Variants in TULP3 observed in about 807,000 individuals in gnomAD.
The protein encoded by TULP3 is tubby-related protein 3.
TULP3 carries 38 observed loss-of-function variants against 50.7 expected under a neutral mutation model. That is an observed-to-expected ratio of 0.75 (90% CI 0.58 to 0.98). The LOEUF (loss-of-function observed/expected upper bound fraction) is 0.98, where lower values mean the gene tolerates loss of function less well. TULP3 is among the 50% of genes least tolerant of loss of function. The probability of loss-of-function intolerance (pLI) is 0.00; values close to 1 mark genes in which losing one functional copy is unlikely to be tolerated. For synonymous variants in TULP3, 183 were observed against 196.6 expected, an observed-to-expected ratio of 0.93 and a Z score of 0.58; for missense variants, 550 against 568.0, an observed-to-expected ratio of 0.97 and a Z score of 0.32.
At position 2,940,904 on chromosome 12, in the gene TULP3, A is replaced by G. The variant is rs1437216819; in HGVS notation, c.*1460A>G. The stretch of plus-strand genomic sequence containing the variant: ...CACCACCACCCCCCACCCCATCCTG[A>G]GGCACTGCCTGGCAGATAACCCTGG... On this transcript the variant is annotated 3_prime_UTR_variant, in exon 11 of 11. Transcript: ENST00000448120. 3.3e-6 allele frequency: 2 copies of G among 606,104 alleles called. No individual in the cohort carries two copies. Among genetic ancestry groups the G allele is most frequent in the African/African-American group, 1.9e-5 (1 of 53,580 alleles). The allele number at this position is 606,104 out of a possible 1,614,324, so 37.5% of individuals were successfully genotyped here.
intron 3 of TULP3, 131 bp from the exon 4 acceptor site, chr12:2,922,131 A>G (rs2098192132): frequency 9.0e-7 from 1 of 1,115,536 alleles, no homozygotes; most frequent in Non-Finnish European, 1.3e-6. Flanking sequence ...AAATGTTCTT[A>G]TGGATGTTAA....
Position 2,940,230 on chromosome 12 carries a change from T to A in TULP3, c.*786T>A, listed in dbSNP as rs1195417101. The A allele has an allele frequency of 3.0e-6, 4 of 1,351,184 alleles. No individual in the cohort carries two copies. In the South Asian group the frequency reaches 4.9e-5, roughly 17 times the overall value. The allele number at this position is 1,351,184 out of a possible 1,614,324, so 83.7% of individuals were successfully genotyped here. A position where few individuals can be genotyped will look rare whatever the true frequency, so the allele number is the denominator to read the frequency against. On this transcript the variant is annotated 3_prime_UTR_variant, in exon 11 of 11. Coordinates refer to ENST00000448120, the MANE Select transcript of TULP3 (RefSeq NM_003324.5). ...CACAGCTATATGACTACGGATCCAT[T>A]AGTGAGGAGCGACACACACACCTGT...
At chr12:2,920,999 G>C (rs1270335099) in intron 3 of TULP3, 77 bp downstream of exon 3, 4 of 1,534,656 alleles carry the variant, frequency 2.6e-6, no homozygotes, top group African/African-American at 1.4e-5. Flanking sequence ...TTGTCAGACG[G>C]ACCAAAGGGA....
Position 2,931,238 on chromosome 12 carries a change from A to G in TULP3, c.694A>G (p.Lys232Glu), listed in dbSNP as rs764898707. The change falls in exon 6 of 11, where the codon AAG becomes GAG. Residue 232 changes from lysine (K) to glutamate (E), a missense_variant and splice_region_variant. By Grantham distance (56) the Lys-to-Glu change is moderately conservative. Coordinates refer to ENST00000448120, the MANE Select transcript of TULP3 (RefSeq NM_003324.5). ...GTACTTGGAAAAAGAAGAAAATCAG[A>G]AGGTATGAGAATTGATTTCTAAGAA... is the stretch of plus-strand genomic sequence containing the variant. The part of the protein sequence containing the change: ...YMYLEKEENQ[K>E]IFLLAARKRK... The G allele has an allele frequency of 1.5e-5, 25 of 1,613,476 alleles. No homozygotes were observed. The highest frequency in any genetic ancestry group is 1.8e-5 in the Non-Finnish European group (21 of 1,179,792).
At chr12:2,908,321 A>G (rs1327533687) in intron 1 of TULP3, among the ~76,000 whole-genome samples, 2 of 152,220 alleles carry the variant, frequency 1.3e-5, no homozygotes, top group Non-Finnish European at 2.9e-5. Context: ...ATTGAGAACC[A>G]TTTATGCCTT....
At position 2,940,648 on chromosome 12, in the gene TULP3, G is replaced by A; in HGVS notation, c.*1204G>A. The A allele has an allele frequency of 3.9e-6, 6 of 1,551,718 alleles. No homozygotes were observed. Among genetic ancestry groups the A allele is most frequent in the Non-Finnish European group, 5.2e-6 (6 of 1,147,002 alleles). On this transcript the variant is annotated 3_prime_UTR_variant, in exon 11 of 11. Coordinates refer to ENST00000448120, the MANE Select transcript of TULP3 (RefSeq NM_003324.5). ...GTTGGGTGGGACACCCGTGGCGGCT[G>A]CTCCCTCAGACCTCCCTTCTGTGGA...
At chr12:2,934,401 GAAAA>G in intron 7 of TULP3, 42 bp from the exon 8 acceptor site, 1 of 1,322,916 alleles carries the variant, frequency 7.6e-7, no homozygotes, top group South Asian at 1.6e-5. Context: ...GTTTGTATAA[GAAAA>G]AAAATACAGA....
At chr12:2,923,979 T>TCAA (rs890006747) in intron 4 of TULP3, among the ~76,000 whole-genome samples, 2 of 152,020 alleles carry the variant, frequency 1.3e-5, no homozygotes, top group African/African-American at 2.4e-5. Context: ...GGACCCCGTC[T>TCAA]CAACAACAAC....
intron 1 of TULP3, 137 bp downstream of exon 1, chr12:2,891,125 CGGCGGGA>C: frequency 9.9e-7 from 1 of 1,009,066 alleles, no homozygotes; most frequent in South Asian, 2.3e-5. Context: ...CTGGTTTCGG[CGGCGGGA>C]GGCGACCCCC....
At chr12:2,891,737 C>G (rs1017416979) in intron 1 of TULP3, among the ~76,000 whole-genome samples, 1 of 152,232 alleles carries the variant, frequency 6.6e-6, no homozygotes, top group South Asian at 2.1e-4. Flanking sequence ...CTGTATACCC[C>G]GCTTTTTATT....
At chr12:2,917,706 T>C (rs1280148899) in intron 2 of TULP3, among the ~76,000 whole-genome samples, 2 of 151,656 alleles carry the variant, frequency 1.3e-5, no homozygotes, top group East Asian at 3.9e-4. Context: ...TGAAACCTCA[T>C]CTTTACTAAA....
At chr12:2,924,267 C>T (rs556191563) in intron 4 of TULP3, among the ~76,000 whole-genome samples, 112 of 152,142 alleles carry the variant, frequency 7.4e-4, no homozygotes, top group African/African-American at 2.6e-3. Flanking sequence ...GGCAGCAGCT[C>T]AGGGCGTGTG....
Position 2,920,898 on chromosome 12 carries a change from C to T in TULP3, c.229C>T (p.Pro77Ser). The T allele has an allele frequency of 6.2e-7, 1 of 1,614,122 alleles. No homozygotes were observed. Among genetic ancestry groups the T allele is most frequent in the Non-Finnish European group, 8.5e-7 (1 of 1,180,026 alleles). Reference sequence around the variant, plus strand: ...GACTCCCTTGGTGAACTGTCATACTCCCCACAGCAATGTCATCTTACATGG... The same window carrying T: ...GACTCCCTTGGTGAACTGTCATACTTCCCACAGCAATGTCATCTTACATGG... ...EQTPLVNCHT[P>S]HSNVILHGID... Residue 77 changes from proline (P) to serine (S), a missense_variant, in exon 3 of 11, where the codon CCC (proline) becomes TCC (serine). Pro to Ser is a moderately conservative substitution (Grantham distance 74). Transcript: ENST00000448120.
intron 1 of TULP3, among the ~76,000 whole-genome samples, chr12:2,892,082 TA>T (rs58111941): frequency 9.4e-5 from 14 of 149,408 alleles, no homozygotes; most frequent in South Asian, 2.1e-4. Context: ...CCTGTCACCT[TA>T]AAAAAAAAAT....
chr12:2,932,014 T>G (rs2098198356), intron 6 of TULP3, among the ~76,000 whole-genome samples: 1 of 152,286 alleles, frequency 6.6e-6, no homozygotes, highest in African/African-American at 2.4e-5. Context: ...TGCATAATTC[T>G]AAAGTCTTCC....
At chr12:2,923,328 C>A (rs140610606) in intron 4 of TULP3, among the ~76,000 whole-genome samples, 2 of 151,996 alleles carry the variant, frequency 1.3e-5, no homozygotes, top group African/African-American at 4.8e-5. Flanking sequence ...AATAAATGAA[C>A]GTTTAAACAA....
At position 2,930,185 on chromosome 12, in the gene TULP3, T is replaced by G. The variant is rs939164571; in HGVS notation, c.395-63T>G. ...TTTAAGCAAGAAAATTAAAACTATCTTTGTTTCAAAGACCTTTTTTAAACA... is the reference window on the plus strand; with the variant it reads ...TTTAAGCAAGAAAATTAAAACTATCGTTGTTTCAAAGACCTTTTTTAAACA... On this transcript the variant is annotated intron_variant, in intron 4 of 10. Coordinates refer to ENST00000448120, the MANE Select transcript of TULP3 (RefSeq NM_003324.5). 2.0e-5 allele frequency: 23 copies of G among 1,138,360 alleles called. No homozygotes were observed. The African/African-American group carries it at 3.5e-4, about 17-fold the overall frequency. 70.5% of individuals were successfully genotyped at this position (1,138,360 alleles called of 1,614,324 possible). A position where few individuals can be genotyped will look rare whatever the true frequency, so the allele number is the denominator to read the frequency against.
intron 1 of TULP3, among the ~76,000 whole-genome samples, chr12:2,898,079 C>CAAAAAAAAA (rs59718569): frequency 1.1e-5 from 1 of 93,196 alleles, no homozygotes. Flanking sequence ...AACTAGATCT[C>CAAAAAAAAA]AAAAAAAAAA....
In TULP3 at chr12:2,898,869, G is replaced by A. The variant is rs76195214; in HGVS notation, c.41+7881G>A. 1.4e-3 allele frequency among the ~76,000 whole-genome samples: 59 copies of A among 40,904 alleles called. 1 individual carries two copies. Among genetic ancestry groups the A allele is most frequent in the Admixed American group, 7.4e-3 (33 of 4,436 alleles). 26.8% of individuals were successfully genotyped at this position (40,904 alleles called of 152,430 possible). ...TAATTTTTAAATTTTTTGTAGAGAC[G>A]GGTCTCACTATGTTGCCCAGGCTGG... On this transcript the variant is annotated intron_variant, in intron 1 of 10. Transcript: ENST00000448120.
Sources: allele counts gnomAD v4.1 joint callset (sites outside exome capture counted in the v4.1 genomes callset), GRCh38; gene constraint gnomAD v4.1.1; transcripts MANE v1.5; gene names NCBI Gene and HGNC (gene_info 2026-07-23, HGNC 2026-07-21).